The following UST variants were observed in gnomAD, a reference collection of about 807,000 sequenced individuals.
The protein encoded by UST is chondroitin sulfate 2-O-sulfotransferase.
UST carries 21 observed loss-of-function variants against 45.6 expected under a neutral mutation model. That is an observed-to-expected ratio of 0.46 (90% confidence interval 0.33 to 0.66). UST has a LOEUF of 0.66. Among genes scored for constraint, UST ranks in the 30% least tolerant of loss-of-function variants. The pLI, the probability that UST is intolerant of heterozygous loss-of-function variation, is 0.02. For missense variants in UST, 463 were observed against 512.4 expected (o/e 0.90, Z 0.93); for synonymous variants, 215 against 200.6 (o/e 1.07, Z -0.61).
intron 1 of UST, among the ~76,000 whole-genome samples, chr6:148,765,056 T>C (rs6933975): frequency 0.36 from 54,838 of 152,076 alleles, 10,469 homozygotes; most frequent in African/African-American, 0.48. Flanking sequence ...GGAAAGAATT[T>C]AGCGGTATTT....
intron 5 of UST, among the ~76,000 whole-genome samples, chr6:148,966,147 C>T (rs1208035149): frequency 6.6e-6 from 1 of 151,854 alleles, no homozygotes. Context: ...TCCTTTGAAT[C>T]CGGGAGGCAG....
chr6:148,996,363 C>T (rs1781451539), intron 5 of UST, among the ~76,000 whole-genome samples: 5 of 152,148 alleles, frequency 3.3e-5, no homozygotes, highest in Non-Finnish European at 5.9e-5. Context: ...GGACTACAGG[C>T]ACTTGCCACC....
chr6:149,069,753 T>G (rs907444732), intron 7 of UST, among the ~76,000 whole-genome samples: 3 of 152,194 alleles, frequency 2.0e-5, no homozygotes, highest in Non-Finnish European at 4.4e-5. Flanking sequence ...ATGCTGTAAC[T>G]TTAAAGAATA....
At chr6:148,989,209 G>T (rs1001278852) in intron 5 of UST, among the ~76,000 whole-genome samples, 1 of 95,406 alleles carries the variant, frequency 1.0e-5, no homozygotes, top group Admixed American at 1.0e-4. Context: ...TTCAGTAAAG[G>T]CCCCCCCCCA....
intron 2 of UST, among the ~76,000 whole-genome samples, chr6:148,915,968 A>AAGGTT (rs1292074425): frequency 6.6e-5 from 10 of 152,158 alleles, no homozygotes; most frequent in Non-Finnish European, 1.0e-4. Flanking sequence ...ATAAAGAAAC[A>AAGGTT]TGAAACAAAT....
rs188973295 is a variant in UST, at chr6:148,900,662, T to G, written c.291+13633T>G. Among the ~76,000 whole-genome samples the G allele has an allele frequency of 1.2e-4, 18 of 152,336 alleles. No homozygotes were observed. The East Asian group carries it at 2.7e-3, about 23-fold the overall frequency. ...GCATGAAAATGAACTACTACATGTA[T>G]TCACTCCTATTTCCTGCATTACCAT... is the stretch of plus-strand genomic sequence containing the variant. On this transcript the variant is annotated intron_variant, in intron 2 of 7. Coordinates refer to ENST00000367463, the MANE Select transcript of UST (RefSeq NM_005715.3).
At chr6:148,800,569 GAT>G (rs1777036889) in intron 1 of UST, among the ~76,000 whole-genome samples, 2 of 91,738 alleles carry the variant, frequency 2.2e-5, no homozygotes, top group Admixed American at 9.2e-5. Context: ...TACCAGGAAT[GAT>G]TATATAGTTG....
At chr6:148,867,689 T>C (rs1358913184) in intron 1 of UST, among the ~76,000 whole-genome samples, 1 of 152,146 alleles carries the variant, frequency 6.6e-6, no homozygotes, top group Non-Finnish European at 1.5e-5. Flanking sequence ...AGATGTGCCT[T>C]TCACCTTCCG....
chr6:149,074,571 C>T lies in UST; in HGVS notation c.*455C>T, dbSNP rs544272044. On this transcript the variant is annotated 3_prime_UTR_variant, in exon 8 of 8. Coordinates refer to ENST00000367463, the MANE Select transcript of UST (RefSeq NM_005715.3). ...TGGAAGGATCTAAGAGAAGGTAAGA[C>T]AGATTAGGACATCGAAAAGGAGGAT... The T allele has an allele frequency of 1.3e-4, 21 of 164,898 alleles. No homozygotes were observed. Among genetic ancestry groups the T allele is most frequent in the Middle Eastern group, 3.2e-3 (1 of 310 alleles). 10.2% of individuals were successfully genotyped at this position (164,898 alleles called of 1,614,324 possible).
chr6:148,846,762 G>T (rs1267605798), intron 1 of UST, among the ~76,000 whole-genome samples: 3 of 152,260 alleles, frequency 2.0e-5, no homozygotes, highest in Non-Finnish European at 4.4e-5. Context: ...ACTATAATTT[G>T]AGAATTGTAG....
intron 5 of UST, among the ~76,000 whole-genome samples, chr6:149,015,078 A>G (rs1253356674): frequency 6.6e-6 from 1 of 152,132 alleles, no homozygotes; most frequent in East Asian, 1.9e-4. Context: ...ACTCTCTGGA[A>G]CTGGAGGCAG....
intron 1 of UST, among the ~76,000 whole-genome samples, chr6:148,834,566 C>T (rs775856084): frequency 5.3e-5 from 8 of 152,050 alleles, no homozygotes; most frequent in Non-Finnish European, 8.8e-5. Context: ...GAAACCCTGT[C>T]CATACAAAAA....
chr6:148,816,788 T>G (rs1777363922), intron 1 of UST, among the ~76,000 whole-genome samples: 1 of 152,236 alleles, frequency 6.6e-6, no homozygotes, highest in African/African-American at 2.4e-5. Flanking sequence ...TTTAAAATTT[T>G]TTTTCAACAA....
rs559124370 is a variant in UST, at chr6:148,996,431, C to T, written c.682-22708C>T. Among the ~76,000 whole-genome samples the T allele has an allele frequency of 4.6e-5, 7 of 152,286 alleles. No individual in the cohort carries two copies. In the East Asian group the frequency reaches 1.2e-3, roughly 25 times the overall value. On this transcript the variant is annotated intron_variant, in intron 5 of 7. Transcript: ENST00000367463. ...ATGGGGTTTTGCCATGTTGGCCAAGCTGGTCTTGAACTCCTGACCTCAGGT... is the reference window on the plus strand; with the variant it reads ...ATGGGGTTTTGCCATGTTGGCCAAGTTGGTCTTGAACTCCTGACCTCAGGT...
chr6:148,955,746 G>A (rs1780481523), intron 4 of UST: 1 of 152,242 alleles, frequency 6.6e-6, no homozygotes. Flanking sequence ...TTCCTTCTGA[G>A]TCACCCCTGA....
At chr6:148,810,843 A>G (rs1324616355) in intron 1 of UST, among the ~76,000 whole-genome samples, 1 of 152,198 alleles carries the variant, frequency 6.6e-6, no homozygotes, top group Admixed American at 6.5e-5. Context: ...ATCTATCCTT[A>G]TGAATTACAG....
At chr6:148,990,006 A>G (rs1781316966) in intron 5 of UST, among the ~76,000 whole-genome samples, 1 of 152,240 alleles carries the variant, frequency 6.6e-6, no homozygotes, top group Non-Finnish European at 1.5e-5. Context: ...TAAGTACAAA[A>G]AAAATTAAGC....
intron 1 of UST, among the ~76,000 whole-genome samples, chr6:148,812,213 C>T (rs1777270938): frequency 6.6e-6 from 1 of 152,056 alleles, no homozygotes; most frequent in Non-Finnish European, 1.5e-5. Flanking sequence ...TGTATCTGCA[C>T]TCTGTTTTTT....
At chr6:148,807,950 G>A (rs1244846536) in intron 1 of UST, among the ~76,000 whole-genome samples, 2 of 152,176 alleles carry the variant, frequency 1.3e-5, no homozygotes, top group Non-Finnish European at 2.9e-5. Flanking sequence ...ACACCGCCTT[G>A]TTCATAGAAC....
Sources: gnomAD v4.1 joint callset for allele counts (sites outside exome capture counted in the v4.1 genomes callset) on GRCh38, gnomAD v4.1.1 for gene constraint, MANE v1.5 for transcripts, NCBI Gene and HGNC (gene_info 2026-07-23, HGNC 2026-07-21) for gene names.